Variants in ATXN7 observed in about 807,000 individuals in gnomAD.
ATXN7 encodes ataxin-7.
Under a neutral mutation model 70.5 loss-of-function variants are expected in ATXN7, and 12 were observed. That is an observed-to-expected ratio of 0.17 (90% CI 0.11 to 0.28). The LOEUF (loss-of-function observed/expected upper bound fraction) is 0.28, where lower values mean the gene tolerates loss of function less well. ATXN7 is among the 10% of genes least tolerant of loss of function. The pLI is 1.00. For missense variants in ATXN7, 1,256 were observed against 1,131.7 expected, an observed-to-expected ratio of 1.11 and a Z score of -1.58; for synonymous variants, 498 against 448.7, an observed-to-expected ratio of 1.11 and a Z score of -1.39.
chr3:63,863,494 C>G, upstream of ATXN7: 1 of 1,178,750 alleles, frequency 8.5e-7, no homozygotes, highest in Admixed American at 4.6e-5. Context: ...CGACCACGCT[C>G]CCGGCACACC....
rs780882119 is a variant in ATXN7, at chr3:63,913,178, T to G, written c.347T>G (p.Phe116Cys). ...CTAGGGACAGAATTGGACGAAAGTTTCAAGGAGTTTGGGAAAAACCGCGAA... is the reference window on the plus strand; with the variant it reads ...CTAGGGACAGAATTGGACGAAAGTTGCAAGGAGTTTGGGAAAAACCGCGAA... ...GKDGTELDES[F>C]KEFGKNREVM... Residue 116 changes from phenylalanine (F) to cysteine (C), a missense_variant, in exon 4 of 13, where the codon TTC (phenylalanine) becomes TGC (cysteine). Coordinates refer to ENST00000674280, the MANE Select transcript of ATXN7 (RefSeq NM_001377405.1). 26 of 1,613,710 alleles carry G rather than the reference T, an allele frequency of 1.6e-5. No individual in the cohort carries two copies. The highest frequency in any genetic ancestry group is 2.2e-5 in the Non-Finnish European group (26 of 1,179,922).
intron 5 of ATXN7, among the ~76,000 whole-genome samples, chr3:63,956,877 G>A (rs747940984): frequency 1.3e-5 from 2 of 152,214 alleles, no homozygotes; most frequent in Non-Finnish European, 2.9e-5. Flanking sequence ...CTTTTAAGTA[G>A]GAAGCAGCGT....
At chr3:63,928,466 A>T (rs753369980) in intron 4 of ATXN7, among the ~76,000 whole-genome samples, 2 of 152,138 alleles carry the variant, frequency 1.3e-5, no homozygotes, top group Admixed American at 6.5e-5. Flanking sequence ...AAAATTAAGC[A>T]TCTTAGACAA....
intron 5 of ATXN7, among the ~76,000 whole-genome samples, chr3:63,975,572 T>A (rs2075376926): frequency 6.6e-6 from 1 of 152,242 alleles, no homozygotes; most frequent in Non-Finnish European, 1.5e-5. Context: ...GTAAATTATT[T>A]TTAGTTGTTT....
chr3:63,954,545 A>G (rs775339826), intron 5 of ATXN7, among the ~76,000 whole-genome samples: 20 of 152,134 alleles, frequency 1.3e-4, no homozygotes, highest in Non-Finnish European at 2.1e-4. Flanking sequence ...GATGTGACTT[A>G]GTGGTGCCCC....
chr3:63,906,289 A>G (rs115406646), intron 2 of ATXN7, among the ~76,000 whole-genome samples: 87 of 152,334 alleles, frequency 5.7e-4, no homozygotes, highest in African/African-American at 1.9e-3. Context: ...TGCTGGATCT[A>G]TAGCTTTGCT....
chr3:63,986,051 A>C lies in ATXN7; in HGVS notation c.1096-2008A>C, dbSNP rs184355151. On this transcript the variant is annotated intron_variant, in intron 8 of 12. Transcript: ENST00000674280. ...CAGGGAAGGCTTTCTTGCCATAGGAACATTGGGCTGAAATCAATGTGATGA... is the reference window on the plus strand; with the variant it reads ...CAGGGAAGGCTTTCTTGCCATAGGACCATTGGGCTGAAATCAATGTGATGA... Among the ~76,000 whole-genome samples, 10 of 152,352 alleles carry C rather than the reference A, an allele frequency of 6.6e-5. No individual in the cohort carries two copies. In the East Asian group the frequency reaches 1.9e-3, roughly 29 times the overall value.
At position 63,912,952 on chromosome 3, in the gene ATXN7, CACCCCCTCGCG is replaced by C; in HGVS notation, c.325+38_325+48del. 5 of 1,304,158 alleles carry C rather than the reference CACCCCCTCGCG, an allele frequency of 3.8e-6. 1 individual carries two copies. The South Asian group carries it at 5.8e-5, about 15-fold the overall frequency. The allele number at this position is 1,304,158 out of a possible 1,614,324, so 80.8% of individuals were successfully genotyped here. A position where few individuals can be genotyped will look rare whatever the true frequency, so the allele number is the denominator to read the frequency against. On this transcript the variant is annotated intron_variant, in intron 3 of 12. Coordinates refer to ENST00000674280, the MANE Select transcript of ATXN7 (RefSeq NM_001377405.1). Reference sequence around the variant, plus strand: ...AGTGTCCACGCCCTCCTCCCCCCTTCACCCCCTCGCGACCCCCTCCTCTCTCCTCCCCTCCC... The same window carrying C: ...AGTGTCCACGCCCTCCTCCCCCCTTCACCCCCTCCTCTCTCCTCCCCTCCC...
chr3:63,988,439 T>C (rs1027358092), intron 9 of ATXN7, 115 bp downstream of exon 9: 37 of 1,390,422 alleles, frequency 2.7e-5, no homozygotes, highest in Non-Finnish European at 2.9e-5. Flanking sequence ...ACTGTGGAGA[T>C]AGTTTTTTAA....
chr3:63,934,254 G>C (rs1033728843), intron 4 of ATXN7, among the ~76,000 whole-genome samples: 1 of 152,102 alleles, frequency 6.6e-6, no homozygotes, highest in East Asian at 1.9e-4. Flanking sequence ...CTGCCTACTC[G>C]GAGGCTATGA....
At chr3:63,953,520 A>G (rs2074989421) in intron 5 of ATXN7, among the ~76,000 whole-genome samples, 1 of 152,182 alleles carries the variant, frequency 6.6e-6, no homozygotes, top group African/African-American at 2.4e-5. Context: ...GTCCTATTTC[A>G]GTGGTTGATT....
chr3:63,965,761 GA>G (rs1351727534), intron 5 of ATXN7, among the ~76,000 whole-genome samples: 1 of 152,148 alleles, frequency 6.6e-6, no homozygotes, highest in African/African-American at 2.4e-5. Flanking sequence ...TTTACAAGCA[GA>G]ACAAAGCAGT....
chr3:63,912,974 C>T (rs774791610), intron 3 of ATXN7, 51 bp downstream of exon 3: 1 of 1,273,904 alleles, frequency 7.8e-7, no homozygotes, highest in Non-Finnish European at 1.1e-6. Context: ...ACCCCCTCCT[C>T]TCTCCTCCCC....
intron 1 of ATXN7, chr3:63,865,048 C>T (rs1337972143): frequency 6.6e-6 from 1 of 152,212 alleles, no homozygotes; most frequent in East Asian, 1.9e-4. Context: ...TTTCCTGTCC[C>T]CCAAGTAGAT....
intron 12 of ATXN7, chr3:63,998,492 A>T: frequency 2.0e-6 from 2 of 985,198 alleles, no homozygotes; most frequent in Non-Finnish European, 2.4e-6. Context: ...TTTACCATGT[A>T]GTGGCACTAT....
At position 63,995,913 on chromosome 3, in the gene ATXN7, C is replaced by A. The variant is rs759839381; in HGVS notation, c.2091C>A (p.Ser697Arg). Residue 697 changes from serine (S) to arginine (R), a missense_variant, in exon 12 of 13, where the codon AGC becomes AGA. Ser to Arg is a moderately radical substitution (Grantham distance 110, BLOSUM62 -1). Coordinates refer to ENST00000674280, the MANE Select transcript of ATXN7 (RefSeq NM_001377405.1). ...GNSTNCQNASSSTSGGSGKKR... is the reference protein window; with the variant it reads ...GNSTNCQNASRSTSGGSGKKR... ...GCACTAACTGTCAAAATGCCAGTAG[C>A]AGTACCAGTGGCGGCTCAGGAAAGA... 1.1e-5 allele frequency: 17 copies of A among 1,614,088 alleles called. No individual in the cohort carries two copies. The highest frequency in any genetic ancestry group is 1.3e-5 in the Non-Finnish European group (15 of 1,180,042).
At chr3:63,994,000 A>T (rs142272652) in intron 11 of ATXN7, among the ~76,000 whole-genome samples, 1 of 152,076 alleles carries the variant, frequency 6.6e-6, no homozygotes, top group African/African-American at 2.4e-5. Flanking sequence ...ACCCTCCTCT[A>T]TGAGTAGTGC....
In ATXN7 at chr3:63,948,324, G is replaced by A. The variant is rs530712406; in HGVS notation, c.395-4055G>A. On this transcript the variant is annotated intron_variant, in intron 4 of 12. Transcript: ENST00000674280. ...TGAATAGTATCATTTACCCAAAATG[G>A]GGAAGGTTGTTGGGTGAGGAGCAGA... Among the ~76,000 whole-genome samples, 10 of 152,272 alleles carry A rather than the reference G, an allele frequency of 6.6e-5. No individual in the cohort carries two copies. In the South Asian group the frequency reaches 1.9e-3, roughly 28 times the overall value.
At chr3:63,918,282 GA>G in intron 4 of ATXN7, among the ~76,000 whole-genome samples, 1 of 151,932 alleles carries the variant, frequency 6.6e-6, no homozygotes, top group East Asian at 1.9e-4. Context: ...TTTCCTAGGG[GA>G]AAAAAATGGT....
Sources: gnomAD v4.1 joint callset for allele counts (sites outside exome capture counted in the v4.1 genomes callset) on GRCh38, gnomAD v4.1.1 for gene constraint, MANE v1.5 for transcripts, NCBI Gene and HGNC (gene_info 2026-07-23, HGNC 2026-07-21) for gene names.